Variants in RFX2 observed in about 807,000 individuals in gnomAD.
RFX2 encodes the protein regulatory factor X2.
Under a neutral mutation model 87.8 loss-of-function variants are expected in RFX2, and 20 were observed. The ratio of observed to expected loss-of-function variants is 0.23; its 90% confidence interval spans 0.16 to 0.33. RFX2 has a LOEUF of 0.33. Among genes scored for constraint, RFX2 ranks in the 10% least tolerant of loss-of-function variants. The pLI is 1.00. For missense variants in RFX2, 767 were observed against 1,012.3 expected, an observed-to-expected ratio of 0.76 and a Z score of 3.29; for synonymous variants, 397 against 431.3, an observed-to-expected ratio of 0.92 and a Z score of 0.98.
In RFX2 at chr19:6,060,283, C is replaced by T. The variant is rs965813013; in HGVS notation, c.-8-12779G>A. On this transcript the variant is annotated intron_variant, in intron 1 of 17. Transcript: ENST00000303657. ...ATCTATGATGGCTTTTGTGCTCCAA[C>T]AGCAGAGGCGAGGAGCTGAGACAGA... Among the ~76,000 whole-genome samples, 26 of 152,306 alleles carry T rather than the reference C, an allele frequency of 1.7e-4. No homozygotes were observed. The Middle Eastern group carries it at 0.01, about 60-fold the overall frequency.
intron 1 of RFX2, among the ~76,000 whole-genome samples, chr19:6,052,537 C>G (rs535041524): frequency 1.8e-4 from 27 of 152,114 alleles, no homozygotes; most frequent in Admixed American, 5.2e-4. Flanking sequence ...ATTATATTAT[C>G]AACCACATTG....
chr19:6,041,761 G>A (rs999131259), intron 4 of RFX2, among the ~76,000 whole-genome samples: 5 of 151,374 alleles, frequency 3.3e-5, no homozygotes, highest in African/African-American at 9.7e-5. Context: ...TCAGTCAGGC[G>A]TGATCATAGC....
At position 6,056,705 on chromosome 19, in the gene RFX2, G is replaced by A. The variant is rs1205205886; in HGVS notation, c.-8-9201C>T. ...TTCTCTGAACCTGAATCTGCTGTGG[G>A]AACTTGGACCCATTCAGTGACTGCC... On this transcript the variant is annotated intron_variant, in intron 1 of 17. Transcript: ENST00000303657. The surrounding 1 kb of genome is among the most constrained non-coding windows in gnomAD (Gnocchi z 4.6). 1.3e-5 allele frequency among the ~76,000 whole-genome samples: 2 copies of A among 152,200 alleles called. No homozygotes were observed. The highest frequency in any genetic ancestry group is 4.8e-5 in the African/African-American group (2 of 41,434).
intron 1 of RFX2, chr19:6,078,210 G>C (rs1421872867): frequency 1.3e-5 from 2 of 151,918 alleles, no homozygotes; most frequent in Non-Finnish European, 2.9e-5. Context: ...TTCATGGCAG[G>C]TTCAGGGTTT....
intron 1 of RFX2, among the ~76,000 whole-genome samples, chr19:6,104,911 A>T (rs2088189505): frequency 6.6e-6 from 1 of 152,126 alleles, no homozygotes; most frequent in Non-Finnish European, 1.5e-5. Flanking sequence ...TGAGGTCAGG[A>T]GATCGAGACC....
At chr19:6,025,196 C>T (rs1288122154) in intron 6 of RFX2, among the ~76,000 whole-genome samples, 1 of 152,088 alleles carries the variant, frequency 6.6e-6, no homozygotes, top group Non-Finnish European at 1.5e-5. Context: ...CTGAGGGGGC[C>T]AGAGCTTTCC....
chr19:6,049,436 C>T (rs910574630), intron 1 of RFX2, among the ~76,000 whole-genome samples: 3 of 152,244 alleles, frequency 2.0e-5, no homozygotes, highest in African/African-American at 7.2e-5. Flanking sequence ...AATGGCGAGA[C>T]CGTGGTCTGT....
In RFX2 at chr19:6,074,414, C is replaced by T. The variant is rs1216731495; in HGVS notation, c.-8-26910G>A. Among the ~76,000 whole-genome samples the T allele has an allele frequency of 3.3e-5, 5 of 152,148 alleles. No individual in the cohort carries two copies. Among genetic ancestry groups the T allele is most frequent in the Non-Finnish European group, 4.4e-5 (3 of 68,030 alleles). ...TGTGCCGGTGCATCTCCTCACCCCACACAGTGCCCTGGGTACAGGGGCTGG... is the reference window on the plus strand; with the variant it reads ...TGTGCCGGTGCATCTCCTCACCCCATACAGTGCCCTGGGTACAGGGGCTGG... On this transcript the variant is annotated intron_variant, in intron 1 of 17. Transcript: ENST00000303657. The surrounding 1 kb of genome is among the most constrained non-coding windows in gnomAD (Gnocchi z 5.2).
rs891450662 is a variant in RFX2, at chr19:6,004,992, G to A, written c.1403-694C>T. On this transcript the variant is annotated intron_variant, in intron 12 of 17. Transcript: ENST00000303657. The surrounding 1 kb of genome is among the most constrained non-coding windows in gnomAD (Gnocchi z 4.8). ...AAATGATCTGGACGTGGCGGTGGGT[G>A]CCTGTAGTCCCAGCTATTTGGGAGG... 1.3e-5 allele frequency among the ~76,000 whole-genome samples: 2 copies of A among 152,152 alleles called. No individual in the cohort carries two copies. Among genetic ancestry groups the A allele is most frequent in the East Asian group, 3.9e-4 (2 of 5,158 alleles).
rs111979944 is a variant in RFX2, at chr19:5,995,193, C to T, written c.2057-243G>A. Among the ~76,000 whole-genome samples the T allele has an allele frequency of 2.6e-4, 39 of 152,310 alleles. 2 individuals carry two copies. The highest frequency in any genetic ancestry group is 8.3e-4 in the South Asian group (4 of 4,828). The stretch of plus-strand genomic sequence containing the variant: ...TCTGCCCTGTGCCTCCCTTTCCCAG[C>T]GCCGACGGGCCTGGGGCCTGCTCCC... On this transcript the variant is annotated intron_variant, in intron 17 of 17. Transcript: ENST00000303657.
chr19:6,067,824 A>G (rs756936700), intron 1 of RFX2: 5 of 152,216 alleles, frequency 3.3e-5, no homozygotes, highest in Non-Finnish European at 7.3e-5. Context: ...AAAGCACACA[A>G]TGCTGATAGA....
rs1236003215 is a variant in RFX2, at chr19:5,997,813, A to C, written c.1860-600T>G. ...AGCCTGTGTGCTGACAATGCTTTACATTTTGAAATGGTTGGAAAAAGTCAA... is the reference window on the plus strand; with the variant it reads ...AGCCTGTGTGCTGACAATGCTTTACCTTTTGAAATGGTTGGAAAAAGTCAA... On this transcript the variant is annotated intron_variant, in intron 15 of 17. Coordinates refer to ENST00000303657, the MANE Select transcript of RFX2 (RefSeq NM_000635.4). This position sits in a 1 kb window ranked among gnomAD's most constrained non-coding sequence, Gnocchi z 4.2. Among the ~76,000 whole-genome samples the C allele has an allele frequency of 6.6e-6, 1 of 152,212 alleles. No individual in the cohort carries two copies. The highest frequency in any genetic ancestry group is 2.4e-5 in the African/African-American group (1 of 41,436).
intron 5 of RFX2, among the ~76,000 whole-genome samples, chr19:6,032,986 G>A (rs1030257814): frequency 6.6e-6 from 1 of 152,052 alleles, no homozygotes; most frequent in African/African-American, 2.4e-5. Flanking sequence ...ATGGGGTTTC[G>A]CAATGTTGCC....
intron 1 of RFX2, among the ~76,000 whole-genome samples, chr19:6,068,626 C>T (rs1448135327): frequency 6.6e-6 from 1 of 152,144 alleles, no homozygotes; most frequent in African/African-American, 2.4e-5. Context: ...TGGGGAAGAG[C>T]GTTCCTAATG....
At chr19:5,995,985 T>G (rs2086400862) in intron 16 of RFX2, among the ~76,000 whole-genome samples, 1 of 152,116 alleles carries the variant, frequency 6.6e-6, no homozygotes, top group Non-Finnish European at 1.5e-5. Flanking sequence ...CTCCCTGAAG[T>G]CTGTACACAG....
rs984384356 is a variant in RFX2, at chr19:6,024,322, G to A, written c.597+1841C>T. Among the ~76,000 whole-genome samples, 11 of 152,312 alleles carry A rather than the reference G, an allele frequency of 7.2e-5. No individual in the cohort carries two copies. Among genetic ancestry groups the A allele is most frequent in the East Asian group, 1.9e-4 (1 of 5,176 alleles). ...CTGGGGAGATCCTCTCTCCAAGCACGTGTGGAAGACTCCCTTCTCCCTGAG... is the reference window on the plus strand; with the variant it reads ...CTGGGGAGATCCTCTCTCCAAGCACATGTGGAAGACTCCCTTCTCCCTGAG... On this transcript the variant is annotated intron_variant, in intron 6 of 17. Coordinates refer to ENST00000303657, the MANE Select transcript of RFX2 (RefSeq NM_000635.4). The surrounding 1 kb of genome is among the most constrained non-coding windows in gnomAD (Gnocchi z 5.0).
rs200044119 is a variant in RFX2 at position 5,994,820 on chromosome 19, C to T, written c.*15G>A. The T allele has an allele frequency of 3.9e-5, 62 of 1,572,046 alleles. No individual in the cohort carries two copies. The highest frequency in any genetic ancestry group is 2.4e-4 in the African/African-American group (18 of 74,298). On this transcript the variant is annotated 3_prime_UTR_variant, in exon 18 of 18. Coordinates refer to ENST00000303657, the MANE Select transcript of RFX2 (RefSeq NM_000635.4). ...GGCATCTTTTGGAACCTCGAGGAGG[C>T]GCCGGCCGGGGCTGCTAGATGCCCT...
Position 6,021,011 on chromosome 19 carries a change from C to T in RFX2, c.598-4740G>A, listed in dbSNP as rs1181507991. Among the ~76,000 whole-genome samples the T allele has an allele frequency of 6.6e-6, 1 of 152,186 alleles. No homozygotes were observed. Among genetic ancestry groups the T allele is most frequent in the Non-Finnish European group, 1.5e-5 (1 of 68,034 alleles). ...GTTCTGGGCTCTTTGCAGGCACAGC[C>T]CCTGTGGACAGATATCCTCACCTGC... On this transcript the variant is annotated intron_variant, in intron 6 of 17. Coordinates refer to ENST00000303657, the MANE Select transcript of RFX2 (RefSeq NM_000635.4). This position sits in a 1 kb window ranked among gnomAD's most constrained non-coding sequence, Gnocchi z 5.7.
rs1343909943 is a variant in RFX2 at position 6,020,907 on chromosome 19, T to C, written c.598-4636A>G. On this transcript the variant is annotated intron_variant, in intron 6 of 17. Coordinates refer to ENST00000303657, the MANE Select transcript of RFX2 (RefSeq NM_000635.4). This position sits in a 1 kb window ranked among gnomAD's most constrained non-coding sequence, Gnocchi z 5.3. ...ACAGCACACTTCTTGATGAAATGGATCAAATCATTCCTTTTAAGGAAAAAA... is the reference window on the plus strand; with the variant it reads ...ACAGCACACTTCTTGATGAAATGGACCAAATCATTCCTTTTAAGGAAAAAA... Among the ~76,000 whole-genome samples, 1 of 152,108 alleles carries C rather than the reference T, an allele frequency of 6.6e-6. No individual in the cohort carries two copies. The highest frequency in any genetic ancestry group is 1.5e-5 in the Non-Finnish European group (1 of 68,028).
Sources: allele counts gnomAD v4.1 joint callset (sites outside exome capture counted in the v4.1 genomes callset), GRCh38; gene constraint gnomAD v4.1.1; non-coding constraint Gnocchi (gnomAD v3.1); transcripts MANE v1.5; gene names NCBI Gene and HGNC (gene_info 2026-07-23, HGNC 2026-07-21).